Variants in TMEM164 observed in about 807,000 individuals in gnomAD.
TMEM164 encodes transmembrane protein 164.
Under a neutral mutation model 18.8 loss-of-function variants are expected in TMEM164, and 4 were observed. The ratio of observed to expected loss-of-function variants is 0.21; its 90% CI spans 0.10 to 0.49. The LOEUF (loss-of-function observed/expected upper bound fraction) is 0.49. Ranked by LOEUF, TMEM164 falls within the 20% of genes least tolerant of loss-of-function variation. The pLI is 0.98. For missense variants in TMEM164, 108 were observed against 239.9 expected (o/e 0.45, Z 3.63); for synonymous variants, 86 against 101.7 (o/e 0.85, Z 0.93).
rs532118238 is a variant in TMEM164, at chrX:110,129,887, G to A, written c.508-14911G>A. On this transcript the variant is annotated intron_variant, in intron 4 of 6. Transcript: ENST00000372068. ...TGTAGCTAACAGAACATTGGCAGTA[G>A]TGGCCTTCAGCCCTTGGAACACTGA... 4.4e-5 allele frequency among the ~76,000 whole-genome samples: 5 copies of A among 112,655 alleles called. No individual in the cohort carries two copies. The South Asian group carries it at 1.8e-3, about 41-fold the overall frequency.
chrX:110,153,614 CAAG>C (rs2066975952), intron 5 of TMEM164, among the ~76,000 whole-genome samples: 1 of 111,881 alleles, frequency 8.9e-6, no homozygotes, highest in Non-Finnish European at 1.9e-5. Flanking sequence ...TACCAAAATC[CAAG>C]GATGCTCAAG....
intron 2 of TMEM164, among the ~76,000 whole-genome samples, chrX:110,053,030 C>T (rs975872845): frequency 4.5e-5 from 5 of 111,325 alleles, no homozygotes; most frequent in Admixed American, 9.5e-5. Context: ...GGATTACAGG[C>T]GTGAGCCACC....
chrX:110,141,075 G>A (rs1030531043), intron 4 of TMEM164, among the ~76,000 whole-genome samples: 2 of 111,663 alleles, frequency 1.8e-5, no homozygotes, highest in African/African-American at 6.5e-5. Context: ...CAGGAGCTCA[G>A]GGCTGTAGCA....
intron 2 of TMEM164, among the ~76,000 whole-genome samples, chrX:110,060,266 GAAAAA>G (rs140796343): frequency 9.7e-5 from 5 of 51,480 alleles, no homozygotes; most frequent in African/African-American, 4.1e-4. Flanking sequence ...GACCCTGTCT[GAAAAA>G]AAAAAAAAAA....
At chrX:110,179,335 C>T (rs2067314298), downstream of TMEM164, among the ~76,000 whole-genome samples, 1 of 111,907 alleles carries the variant, frequency 8.9e-6, no homozygotes. Flanking sequence ...AGGCAACAGT[C>T]TTTTCCAGTG....
chrX:110,184,019 C>G (rs1428278873), downstream of TMEM164, among the ~76,000 whole-genome samples: 2 of 110,663 alleles, frequency 1.8e-5, no homozygotes, highest in Non-Finnish European at 3.8e-5. Context: ...ATAGAATATA[C>G]AATACCAAAA....
rs753370209 is a variant in TMEM164, at chrX:110,092,317, A to G, written c.441-16763A>G. ...CCTTGGGCAGTATGGCCATTTTCAC[A>G]ATATCGATACTTCCTATCCATGAGC... On this transcript the variant is annotated intron_variant, in intron 3 of 6. Coordinates refer to ENST00000372068, the MANE Select transcript of TMEM164 (RefSeq NM_032227.4). Among the ~76,000 whole-genome samples, 414 of 111,738 alleles carry G rather than the reference A, an allele frequency of 3.7e-3. 2 individuals are homozygous for G. In the South Asian group the frequency reaches 0.042, roughly 11 times the overall value.
At chrX:110,016,737 G>A (rs1055699437) in intron 2 of TMEM164, among the ~76,000 whole-genome samples, 1 of 109,763 alleles carries the variant, frequency 9.1e-6, no homozygotes, top group Non-Finnish European at 1.9e-5. Context: ...GCTCACTGCA[G>A]CCTTGACCCC....
At chrX:110,013,494 C>G (rs1051613377) in intron 2 of TMEM164, among the ~76,000 whole-genome samples, 2 of 112,166 alleles carry the variant, frequency 1.8e-5, no homozygotes, top group Non-Finnish European at 3.8e-5. Context: ...TTAATCAGAT[C>G]TGAGTGGCTG....
chrX:110,176,520 G>A lies in TMEM164; in HGVS notation c.*3069G>A, dbSNP rs1471043584. On this transcript the variant is annotated 3_prime_UTR_variant, in exon 7 of 7. Transcript: ENST00000372068. ...CTTGCAGGGTCGCCGGGCTAACCAG[G>A]GTGATCGGCGAACTTTACCGTACAG... 2 of 554,806 alleles carry A rather than the reference G, an allele frequency of 3.6e-6. No individual in the cohort carries two copies. Among genetic ancestry groups the A allele is most frequent in the Non-Finnish European group, 4.4e-6 (2 of 458,311 alleles). 45.7% of individuals were successfully genotyped at this position (554,806 alleles called of 1,213,427 possible).
intron 3 of TMEM164, among the ~76,000 whole-genome samples, chrX:110,083,630 A>G (rs1248302209): frequency 9.0e-6 from 1 of 111,564 alleles, no homozygotes; most frequent in African/African-American, 3.3e-5. Context: ...CTAAAATTTC[A>G]TTGACATCAT....
chrX:110,005,682 A>C (rs749822535), intron 2 of TMEM164, among the ~76,000 whole-genome samples: 118 of 112,474 alleles, frequency 1.0e-3, no homozygotes, highest in Non-Finnish European at 2.0e-3. Context: ...CAGGAAGTCC[A>C]GGGCTGTCCC....
chrX:110,027,083 G>A (rs1934230707), intron 2 of TMEM164, among the ~76,000 whole-genome samples: 1 of 110,867 alleles, frequency 9.0e-6, no homozygotes, highest in Non-Finnish European at 1.9e-5. Flanking sequence ...CTTAATACAA[G>A]TGACAATGTT....
chrX:110,070,609 G>A (rs1462309302), intron 3 of TMEM164, among the ~76,000 whole-genome samples: 1 of 110,157 alleles, frequency 9.1e-6, no homozygotes, highest in Non-Finnish European at 1.9e-5. Flanking sequence ...TTTCTGCCAG[G>A]TGCAGTGACT....
At chrX:110,099,662 T>C (rs981266965) in intron 3 of TMEM164, among the ~76,000 whole-genome samples, 18 of 112,354 alleles carry the variant, frequency 1.6e-4, no homozygotes, top group Non-Finnish European at 5.6e-5. Flanking sequence ...CATTATCTGC[T>C]TCTTTTACAG....
intron 2 of TMEM164, among the ~76,000 whole-genome samples, chrX:110,055,049 G>A (rs770631731): frequency 1.8e-5 from 2 of 111,431 alleles, no homozygotes; most frequent in South Asian, 7.7e-4. Flanking sequence ...GTACCTTTTT[G>A]CATGTCTGTC....
At chrX:110,183,788 G>A (rs149415877), downstream of TMEM164, among the ~76,000 whole-genome samples, 599 of 112,140 alleles carry the variant, frequency 5.3e-3, 3 homozygotes, top group African/African-American at 0.019. Context: ...AAACTCATAA[G>A]GCTATTGAAA....
chrX:110,149,095 T>A (rs868136009), intron 5 of TMEM164, among the ~76,000 whole-genome samples: 2 of 104,297 alleles, frequency 1.9e-5, no homozygotes, highest in African/African-American at 7.2e-5. Context: ...TTTTTTTTTT[T>A]AACTAAAATA....
intron 3 of TMEM164, among the ~76,000 whole-genome samples, chrX:110,070,054 G>A (rs1014392345): frequency 8.1e-5 from 9 of 111,631 alleles, no homozygotes; most frequent in African/African-American, 9.8e-5. Context: ...GGTGGCTCAC[G>A]CCTGTAATCC....
Sources: allele counts gnomAD v4.1 joint callset (sites outside exome capture counted in the v4.1 genomes callset), GRCh38; gene constraint gnomAD v4.1.1; transcripts MANE v1.5; gene names NCBI Gene and HGNC (gene_info 2026-07-23, HGNC 2026-07-21).